NAXD: variants seen among roughly 807,000 people sequenced by gnomAD.
The protein encoded by NAXD is ATP-dependent (S)-NAD(P)H-hydrate dehydratase.
Under a neutral mutation model 35.8 loss-of-function variants are expected in NAXD, and 22 were observed. The ratio of observed to expected loss-of-function variants is 0.62; its 90% CI spans 0.44 to 0.88. The LOEUF (loss-of-function observed/expected upper bound fraction) is 0.88. Ranked by LOEUF, NAXD falls within the 40% of genes least tolerant of loss-of-function variation. The pLI is 0.00. For synonymous variants in NAXD, 189 were observed against 177.6 expected (o/e 1.06, Z -0.51); for missense variants, 428 against 437.7 (o/e 0.98, Z 0.20).
rs1887066386 is a variant in NAXD, at chr13:110,639,089, C to G, written c.*561C>G. The G allele has an allele frequency of 4.0e-6, 1 of 250,404 alleles. No individual in the cohort carries two copies. Among genetic ancestry groups the G allele is most frequent in the African/African-American group, 2.2e-5 (1 of 44,584 alleles). The allele number at this position is 250,404 out of a possible 1,614,324, so 15.5% of individuals were successfully genotyped here. Reference sequence around the variant, plus strand: ...GTGGTATCTGGCTGCTGGTGTTTGGCTTATTGACATACTCCAGGGTAATCA... The same window carrying G: ...GTGGTATCTGGCTGCTGGTGTTTGGGTTATTGACATACTCCAGGGTAATCA... On this transcript the variant is annotated 3_prime_UTR_variant, in exon 10 of 10. Coordinates refer to ENST00000680254, the MANE Select transcript of NAXD (RefSeq NM_001242882.2).
At chr13:110,631,425 T>A (rs1403852239) in intron 5 of NAXD, among the ~76,000 whole-genome samples, 2 of 152,222 alleles carry the variant, frequency 1.3e-5, no homozygotes, top group African/African-American at 2.4e-5. Context: ...CGTTTAAATT[T>A]TTGAGAGATG....
rs1004692751 is a variant in NAXD at position 110,615,564 on chromosome 13, A to G, written c.-38A>G. The G allele has an allele frequency of 3.7e-6, 5 of 1,334,960 alleles. No individual in the cohort carries two copies. Among genetic ancestry groups the G allele is most frequent in the East Asian group, 3.1e-5 (1 of 32,068 alleles). The allele number at this position is 1,334,960 out of a possible 1,614,324, so 82.7% of individuals were successfully genotyped here. On this transcript the variant is annotated 5_prime_UTR_variant, in exon 1 of 10. Transcript: ENST00000680254. ...GCTTCCAATGGCTGTGTTTCCGGCGACGGCGCGGGGGCAGCTGGGAATCCG... is the reference window on the plus strand; with the variant it reads ...GCTTCCAATGGCTGTGTTTCCGGCGGCGGCGCGGGGGCAGCTGGGAATCCG...
chr13:110,633,110 A>G (rs1886780238), intron 5 of NAXD, among the ~76,000 whole-genome samples: 1 of 152,008 alleles, frequency 6.6e-6, no homozygotes, highest in Admixed American at 6.5e-5. Context: ...CTCGGGCCGC[A>G]CAGGAGCCCA....
At position 110,615,587 on chromosome 13, in the gene NAXD, C is replaced by T. The variant is rs757332178; in HGVS notation, c.-15C>T. 2.9e-6 allele frequency: 4 copies of T among 1,359,130 alleles called. No individual in the cohort carries two copies. The South Asian group carries it at 5.1e-5, about 17-fold the overall frequency. The allele number at this position is 1,359,130 out of a possible 1,614,324, so 84.2% of individuals were successfully genotyped here. ...CGACGGCGCGGGGGCAGCTGGGAATCCGGAATGCTGCCCGATGGCCCTGGG... is the reference window on the plus strand; with the variant it reads ...CGACGGCGCGGGGGCAGCTGGGAATTCGGAATGCTGCCCGATGGCCCTGGG... On this transcript the variant is annotated 5_prime_UTR_variant, in exon 1 of 10. Transcript: ENST00000680254.
At position 110,622,488 on chromosome 13, in the gene NAXD, GA is replaced by G. The variant is rs146068719; in HGVS notation, c.197+123del. The G allele has an allele frequency of 1.4e-3, 1,356 of 945,660 alleles. 15 individuals are homozygous for G. The African/African-American group carries it at 0.02, about 14-fold the overall frequency. 58.6% of individuals were successfully genotyped at this position (945,660 alleles called of 1,614,324 possible). ...ATCATTTCCAAATGCAGCCTGATAGGACACTCAGTATTTTTCAGTGATCCAC... is the reference window on the plus strand; with the variant it reads ...ATCATTTCCAAATGCAGCCTGATAGGCACTCAGTATTTTTCAGTGATCCAC... On this transcript the variant is annotated intron_variant, in intron 2 of 9. Coordinates refer to ENST00000680254, the MANE Select transcript of NAXD (RefSeq NM_001242882.2).
chr13:110,624,279 G>A lies in NAXD; in HGVS notation c.243G>A (p.Val81=), dbSNP rs151223869. ...PYFAAISALK[V]GADLSHVFCA... is the part of the protein sequence containing the mutation. ...TTGCAGCAATCTCAGCTCTCAAAGT[G>A]GTATGTTTACTTAAAATTTCTTTAT... The change falls in exon 3 of 10, where the codon GTG becomes GTA. Residue 81 remains valine (V), a splice_region_variant and synonymous_variant. Coordinates refer to ENST00000680254, the MANE Select transcript of NAXD (RefSeq NM_001242882.2). The A allele has an allele frequency of 6.3e-7, 1 of 1,594,268 alleles. No homozygotes were observed. Among genetic ancestry groups the A allele is most frequent in the East Asian group, 2.2e-5 (1 of 44,730 alleles).
rs1205987168 is a variant in NAXD at position 110,615,618 on chromosome 13, G to C, written c.17G>C (p.Arg6Pro). The C allele has an allele frequency of 1.4e-6, 2 of 1,463,062 alleles. No individual in the cohort carries two copies. Among genetic ancestry groups the C allele is most frequent in the Non-Finnish European group, 1.8e-6 (2 of 1,111,752 alleles). The allele number at this position is 1,463,062 out of a possible 1,614,324, so 90.6% of individuals were successfully genotyped here. A position where few individuals can be genotyped will look rare whatever the true frequency, so the allele number is the denominator to read the frequency against. ...TGCTGCCCGATGGCCCTGGGTCCTC[G>C]CTGTGGGGCAATCCGGGCTTGCAGA... Reference protein sequence around the residue: MALGPRCGAIRACRRV... With the variant: MALGPPCGAIRACRRV... Residue 6 changes from arginine to proline, a missense_variant, in exon 1 of 10, where the codon CGC becomes CCC. Physicochemically the swap from Arg to Pro is moderately radical, Grantham distance 103 (BLOSUM62 -2). This residue lies in a region of NAXD where 208 missense variants were observed against 193.0 expected (regional missense o/e 1.08). Transcript: ENST00000680254.
At chr13:110,627,184 A>G (rs1175613890) in intron 4 of NAXD, among the ~76,000 whole-genome samples, 4 of 152,194 alleles carry the variant, frequency 2.6e-5, no homozygotes, top group African/African-American at 9.7e-5. Context: ...GGTTTAATGA[A>G]TAGTATTAAC....
chr13:110,635,147 A>G (rs1204815112), intron 7 of NAXD, among the ~76,000 whole-genome samples: 1 of 152,212 alleles, frequency 6.6e-6, no homozygotes, highest in Non-Finnish European at 1.5e-5. Context: ...TAAGTGTCCC[A>G]TCAATGTTAG....
chr13:110,631,182 C>T (rs1886682901), intron 5 of NAXD, among the ~76,000 whole-genome samples: 1 of 152,232 alleles, frequency 6.6e-6, no homozygotes, highest in African/African-American at 2.4e-5. Flanking sequence ...TGTCCTCACA[C>T]TGTGCTCTTT....
At chr13:110,635,648 C>G in intron 8 of NAXD, 60 bp downstream of exon 8, 1 of 1,589,392 alleles carries the variant, frequency 6.3e-7, no homozygotes, top group Non-Finnish European at 8.6e-7. Flanking sequence ...ATGGCCACAC[C>G]GAGCATGAGC....
chr13:110,637,339 G>A, intron 9 of NAXD, 90 bp downstream of exon 9: 1 of 1,470,696 alleles, frequency 6.8e-7, no homozygotes, highest in South Asian at 1.1e-5. Flanking sequence ...AGTAGCCCTG[G>A]AAACACTGAC....
At chr13:110,629,611 ATATT>A (rs200427442) in intron 5 of NAXD, among the ~76,000 whole-genome samples, 2,917 of 152,308 alleles carry the variant, frequency 0.019, 115 homozygotes, top group Admixed American at 0.096. Context: ...GCATAATTTT[ATATT>A]TAGAGTTACC....
chr13:110,633,649 C>T (rs1886806855), intron 5 of NAXD, among the ~76,000 whole-genome samples: 1 of 152,128 alleles, frequency 6.6e-6, no homozygotes, highest in Non-Finnish European at 1.5e-5. Flanking sequence ...TCTGTCAAGT[C>T]AGGATCACTT....
intron 1 of NAXD, among the ~76,000 whole-genome samples, chr13:110,620,313 G>A (rs1275500765): frequency 3.3e-5 from 5 of 151,826 alleles, no homozygotes; most frequent in Non-Finnish European, 7.4e-5. Context: ...TGAGCGCGGT[G>A]GCTCACACCT....
At chr13:110,625,576 C>T (rs760095551) in intron 4 of NAXD, among the ~76,000 whole-genome samples, 6 of 152,182 alleles carry the variant, frequency 3.9e-5, no homozygotes, top group African/African-American at 1.4e-4. Context: ...AAGGTGGAAA[C>T]GAAGGGCCTC....
Position 110,625,180 on chromosome 13 carries a change from C to T in NAXD, c.244-10C>T. 6.2e-7 allele frequency: 1 copy of T among 1,610,952 alleles called. No individual in the cohort carries two copies. The highest frequency in any genetic ancestry group is 8.5e-7 in the Non-Finnish European group (1 of 1,177,248). Reference sequence around the variant, plus strand: ...GATCCCTGAGTCGGCCTCTTGTGCTCCTTCATCAGGGCGCAGACTTGTCCC... The same window carrying T: ...GATCCCTGAGTCGGCCTCTTGTGCTTCTTCATCAGGGCGCAGACTTGTCCC... On this transcript the variant is annotated splice_polypyrimidine_tract_variant and intron_variant, in intron 3 of 9. Coordinates refer to ENST00000680254, the MANE Select transcript of NAXD (RefSeq NM_001242882.2).
chr13:110,630,413 T>C (rs2139644666), intron 5 of NAXD, among the ~76,000 whole-genome samples: 1 of 152,294 alleles, frequency 6.6e-6, no homozygotes, highest in East Asian at 1.9e-4. Context: ...TTATTGACTT[T>C]TAGGAGTTCT....
intron 1 of NAXD, 37 bp downstream of exon 1, chr13:110,615,684 C>G (rs755306024): frequency 1.8e-5 from 28 of 1,523,938 alleles, no homozygotes; most frequent in African/African-American, 2.8e-5. Context: ...GATGGTCACA[C>G]GCGCGGGGGC....
Sources: gnomAD v4.1 joint callset for allele counts (sites outside exome capture counted in the v4.1 genomes callset) on GRCh38, gnomAD v4.1.1 for gene constraint, gnomAD v4.1.1 regional missense constraint, MANE v1.5 for transcripts, NCBI Gene and HGNC (gene_info 2026-07-23, HGNC 2026-07-21) for gene names.